PTGFR: variants seen among roughly 807,000 people sequenced by gnomAD.
PTGFR encodes the protein prostaglandin F receptor, also known as prostaglandin F2-alpha receptor.
Under a neutral mutation model 26.2 loss-of-function variants are expected in PTGFR, and 15 were observed. That is an observed-to-expected ratio of 0.57 (90% confidence interval 0.38 to 0.88). The LOEUF (loss-of-function observed/expected upper bound fraction) is 0.88. Ranked by LOEUF, PTGFR falls within the 40% of genes least tolerant of loss-of-function variation. PTGFR has a pLI of 0.00. For synonymous variants in PTGFR, 165 were observed against 151.1 expected, an observed-to-expected ratio of 1.09 and a Z score of -0.68; for missense variants, 369 against 427.2, an observed-to-expected ratio of 0.86 and a Z score of 1.20.
chr1:78,505,120 C>CTTTT (rs11383272), intron 2 of PTGFR, among the ~76,000 whole-genome samples: 170 of 127,200 alleles, frequency 1.3e-3, no homozygotes, highest in Non-Finnish European at 2.5e-3. Context: ...TTTATTCTAA[C>CTTTT]TTTTTTTTTT....
intron 2 of PTGFR, among the ~76,000 whole-genome samples, chr1:78,526,066 C>A (rs1439467333): frequency 6.6e-6 from 1 of 151,936 alleles, no homozygotes; most frequent in Non-Finnish European, 1.5e-5. Context: ...CTGGTTTGTA[C>A]TAGACTTACA....
At position 78,536,764 on chromosome 1, in the gene PTGFR, C is replaced by A; in HGVS notation, c.*77C>A. Reference sequence around the variant, plus strand: ...TGGCAATATTTCAGTTAGTTAAATACCTGTAGCCTAACTGGAAAATTCAGG... The same window carrying A: ...TGGCAATATTTCAGTTAGTTAAATAACTGTAGCCTAACTGGAAAATTCAGG... On this transcript the variant is annotated 3_prime_UTR_variant, in exon 3 of 3. Transcript: ENST00000370757. The A allele has an allele frequency of 7.0e-7, 1 of 1,424,722 alleles. No individual in the cohort carries two copies. Among genetic ancestry groups the A allele is most frequent in the Non-Finnish European group, 9.4e-7 (1 of 1,068,256 alleles). 88.3% of individuals were successfully genotyped at this position (1,424,722 alleles called of 1,614,324 possible).
Position 78,540,578 on chromosome 1 carries a change from G to C in PTGFR, c.*3891G>C, listed in dbSNP as rs1319547147. 6.6e-6 allele frequency among the ~76,000 whole-genome samples: 1 copy of C among 152,084 alleles called. No homozygotes were observed. The highest frequency in any genetic ancestry group is 1.5e-5 in the Non-Finnish European group (1 of 67,984). ...AGATGACTAAAAGGACTATATAATA[G>C]AAAGAGGGAAATCTTGGTTCTTAAA... On this transcript the variant is annotated 3_prime_UTR_variant, in exon 3 of 3. Coordinates refer to ENST00000370757, the MANE Select transcript of PTGFR (RefSeq NM_000959.4).
intron 2 of PTGFR, among the ~76,000 whole-genome samples, chr1:78,506,984 G>T (rs1649841289): frequency 6.6e-6 from 1 of 152,152 alleles, no homozygotes; most frequent in Admixed American, 6.6e-5. Flanking sequence ...GACTCAAACT[G>T]CAAACAGCAG....
chr1:78,536,296 C>A, intron 2 of PTGFR, 110 bp from the exon 3 acceptor site: 2 of 1,018,502 alleles, frequency 2.0e-6, no homozygotes, highest in Non-Finnish European at 2.8e-6. Context: ...TAAACAATAG[C>A]ATCACTCTGT....
intron 2 of PTGFR, among the ~76,000 whole-genome samples, chr1:78,508,875 T>A (rs1025145082): frequency 6.6e-6 from 1 of 152,216 alleles, no homozygotes; most frequent in African/African-American, 2.4e-5. Flanking sequence ...GGCTACAAGA[T>A]ACTGATATGA....
intron 2 of PTGFR, among the ~76,000 whole-genome samples, chr1:78,494,405 A>G (rs1649492450): frequency 6.6e-6 from 1 of 152,218 alleles, no homozygotes; most frequent in Non-Finnish European, 1.5e-5. Context: ...AGTGACAGCA[A>G]AGATTTTCTT....
At chr1:78,491,569 G>C (rs1380444995) in intron 1 of PTGFR, among the ~76,000 whole-genome samples, 1 of 152,254 alleles carries the variant, frequency 6.6e-6, no homozygotes, top group Non-Finnish European at 1.5e-5. Flanking sequence ...CCCCGTGCCC[G>C]GGATGAGGGA....
rs750724701 is a variant in PTGFR at position 78,539,831 on chromosome 1, T to A, written c.*3144T>A. The A allele has an allele frequency of 3.9e-5, 6 of 152,266 alleles. No homozygotes were observed. Among genetic ancestry groups the A allele is most frequent in the African/African-American group, 2.4e-5 (1 of 41,440 alleles). 9.4% of individuals were successfully genotyped at this position (152,266 alleles called of 1,614,324 possible). A position where few individuals can be genotyped will look rare whatever the true frequency, so the allele number is the denominator to read the frequency against. On this transcript the variant is annotated 3_prime_UTR_variant, in exon 3 of 3. Transcript: ENST00000370757. ...AACTCCCGTTTTATCTGCTACTGGA[T>A]GAGAAGAATTTCAACTTAATTTCCA...
intron 2 of PTGFR, among the ~76,000 whole-genome samples, chr1:78,501,648 C>A (rs116154062): frequency 6.6e-6 from 1 of 152,164 alleles, no homozygotes; most frequent in Non-Finnish European, 1.5e-5. Flanking sequence ...GAGACAGAGA[C>A]AATTGGATTA....
At chr1:78,524,999 T>G (rs1329400291) in intron 2 of PTGFR, among the ~76,000 whole-genome samples, 1 of 136,920 alleles carries the variant, frequency 7.3e-6, no homozygotes, top group Non-Finnish European at 1.5e-5. Context: ...TTCACATAAA[T>G]CCTCCAACTG....
At chr1:78,514,631 G>C (rs1650050903) in intron 2 of PTGFR, among the ~76,000 whole-genome samples, 1 of 152,152 alleles carries the variant, frequency 6.6e-6, no homozygotes, top group Non-Finnish European at 1.5e-5. Flanking sequence ...TGAAATGTGA[G>C]AAGGACATAA....
rs182045916 is a variant in PTGFR, at chr1:78,523,778, G to T, written c.799-12628G>T. 1.2e-3 allele frequency among the ~76,000 whole-genome samples: 187 copies of T among 152,202 alleles called. 1 individual carries two copies. Among genetic ancestry groups the T allele is most frequent in the African/African-American group, 4.4e-3 (183 of 41,550 alleles). On this transcript the variant is annotated intron_variant, in intron 2 of 2. Transcript: ENST00000370757. ...GGTTTAAATGATAACTTGTAAATGA[G>T]TGATATTTTAAATGTTTGTTAGTTG...
At chr1:78,496,050 A>G (rs1466031784) in intron 2 of PTGFR, among the ~76,000 whole-genome samples, 3 of 152,202 alleles carry the variant, frequency 2.0e-5, no homozygotes, top group Admixed American at 6.5e-5. Context: ...AGTTGTTTTA[A>G]GCATTCTTTG....
chr1:78,499,466 G>T (rs1272365393), intron 2 of PTGFR, among the ~76,000 whole-genome samples: 1 of 152,208 alleles, frequency 6.6e-6, no homozygotes, highest in East Asian at 1.9e-4. Flanking sequence ...TATAGTTGGG[G>T]TCAGTAAGAG....
At chr1:78,492,529 T>C (rs868445955) in intron 1 of PTGFR, 143 bp from the exon 2 acceptor site, 11 of 497,122 alleles carry the variant, frequency 2.2e-5, no homozygotes, top group Middle Eastern at 5.0e-4. Flanking sequence ...CAGGCAGATA[T>C]GAGCTGCTTT....
chr1:78,526,841 G>C (rs1277220126), intron 2 of PTGFR, among the ~76,000 whole-genome samples: 1 of 152,044 alleles, frequency 6.6e-6, no homozygotes, highest in Non-Finnish European at 1.5e-5. Flanking sequence ...CATTAAAAGG[G>C]ATAGAACACA....
intron 2 of PTGFR, among the ~76,000 whole-genome samples, chr1:78,530,308 A>G (rs969915130): frequency 6.6e-6 from 1 of 152,140 alleles, no homozygotes; most frequent in Non-Finnish European, 1.5e-5. Flanking sequence ...TGATTTTCCT[A>G]TTGGTTATAT....
At chr1:78,510,376 G>A (rs974204653) in intron 2 of PTGFR, among the ~76,000 whole-genome samples, 4 of 152,162 alleles carry the variant, frequency 2.6e-5, no homozygotes, top group Non-Finnish European at 5.9e-5. Flanking sequence ...TTGACTCATG[G>A]CAGGAGGTGA....
Sources: gnomAD v4.1 joint callset for allele counts (sites outside exome capture counted in the v4.1 genomes callset) on GRCh38, gnomAD v4.1.1 for gene constraint, MANE v1.5 for transcripts, NCBI Gene and HGNC (gene_info 2026-07-23, HGNC 2026-07-21) for gene names.